CCDC138: variants seen among roughly 807,000 people sequenced by gnomAD.
CCDC138 encodes coiled-coil domain-containing protein 138.
Under a neutral mutation model 82.3 loss-of-function variants are expected in CCDC138, and 66 were observed. The observed-to-expected ratio is 0.80, with a 90% confidence interval of 0.66 to 0.98. The LOEUF (loss-of-function observed/expected upper bound fraction) is 0.98. Ranked by LOEUF, CCDC138 falls within the 50% of genes least tolerant of loss-of-function variation. The probability of loss-of-function intolerance (pLI) is 0.00; values close to 1 mark genes in which losing one functional copy is unlikely to be tolerated. For missense variants in CCDC138, 816 were observed against 758.9 expected, an observed-to-expected ratio of 1.08 and a Z score of -0.88; for synonymous variants, 297 against 265.4, an observed-to-expected ratio of 1.12 and a Z score of -1.16.
At chr2:108,809,038 G>T (rs1168916230) in intron 7 of CCDC138, among the ~76,000 whole-genome samples, 1 of 152,100 alleles carries the variant, frequency 6.6e-6, no homozygotes, top group Admixed American at 6.6e-5. Flanking sequence ...TAGGCATATG[G>T]ATATCCATTT....
At chr2:108,868,398 T>C (rs897271855) in intron 13 of CCDC138, among the ~76,000 whole-genome samples, 4 of 152,214 alleles carry the variant, frequency 2.6e-5, no homozygotes, top group African/African-American at 7.2e-5. Context: ...TAACTATAAA[T>C]TTATGTAAAA....
At chr2:108,863,295 A>G (rs77984489) in intron 13 of CCDC138, among the ~76,000 whole-genome samples, 9,396 of 152,312 alleles carry the variant, frequency 0.062, 356 homozygotes, top group South Asian at 0.15. Context: ...CATACATATC[A>G]TCTGTTTTCT....
In CCDC138 at chr2:108,804,949, A is replaced by G. The variant is rs1216067951; in HGVS notation, c.796A>G (p.Lys266Glu). The G allele has an allele frequency of 1.3e-6, 2 of 1,579,858 alleles. No individual in the cohort carries two copies. The highest frequency in any genetic ancestry group is 1.7e-6 in the Non-Finnish European group (2 of 1,167,736). The change falls in exon 7 of 15, where the codon AAG becomes GAG. Residue 266 changes from lysine to glutamate, a missense_variant. By Grantham distance (56) the Lys-to-Glu change is moderately conservative. Coordinates refer to ENST00000295124, the MANE Select transcript of CCDC138 (RefSeq NM_144978.3). ...TCTTAAGGAAAAGAATAAAGAAACC[A>G]AGAGACTGAGGTCCTCTTTTGATGC... ...EVLKEKNKET[K>E]RLRSSFDALK...
intron 13 of CCDC138, among the ~76,000 whole-genome samples, chr2:108,867,544 T>A (rs1694609213): frequency 6.6e-6 from 1 of 152,146 alleles, no homozygotes; most frequent in Non-Finnish European, 1.5e-5. Context: ...CCCCAAGCCT[T>A]TGGCAAGTTC....
At chr2:108,853,045 C>T (rs891951840) in intron 12 of CCDC138, among the ~76,000 whole-genome samples, 8 of 152,016 alleles carry the variant, frequency 5.3e-5, no homozygotes, top group Middle Eastern at 3.5e-3. Context: ...CATAACCTTT[C>T]GTGAGATCTA....
At position 108,811,245 on chromosome 2, in the gene CCDC138, C is replaced by CTTTTTTTTTTT. The variant is rs144518921; in HGVS notation, c.856-1385_856-1384insTTTTTTTTTTT. Among the ~76,000 whole-genome samples the CTTTTTTTTTTT allele has an allele frequency of 2.0e-3, 215 of 109,588 alleles. 13 individuals are homozygous for CTTTTTTTTTTT. Among genetic ancestry groups the CTTTTTTTTTTT allele is most frequent in the African/African-American group, 7.6e-3 (182 of 23,852 alleles). The allele number at this position is 109,588 out of a possible 152,430, so 71.9% of individuals were successfully genotyped here. A position where few individuals can be genotyped will look rare whatever the true frequency, so the allele number is the denominator to read the frequency against. On this transcript the variant is annotated intron_variant, in intron 7 of 14. Transcript: ENST00000295124. ...CTCTCCCTTTTCTTTCTTTCTCTCT[C>CTTTTTTTTTTT]TCTTTTTTTTTTTTTTTGACTGTCT...
At position 108,812,919 on chromosome 2, in the gene CCDC138, A is replaced by T. The variant is rs1305135406; in HGVS notation, c.1033A>T (p.Thr345Ser). 6.2e-7 allele frequency: 1 copy of T among 1,613,382 alleles called. No homozygotes were observed. The highest frequency in any genetic ancestry group is 8.5e-7 in the Non-Finnish European group (1 of 1,179,644). Residue 345 changes from threonine (T) to serine (S), a missense_variant, in exon 9 of 15, where the codon ACT becomes TCT. Transcript: ENST00000295124. Reference protein sequence around the residue: ...LKQEKAPVSKTYKVPLNGQVY... With the variant: ...LKQEKAPVSKSYKVPLNGQVY... ...ACAAGAAAAAGCACCAGTTTCAAAAACTTACAAGGTAAGTTTGAATTATGA... is the reference window on the plus strand; with the variant it reads ...ACAAGAAAAAGCACCAGTTTCAAAATCTTACAAGGTAAGTTTGAATTATGA...
chr2:108,847,761 T>C (rs1690735286), intron 12 of CCDC138, among the ~76,000 whole-genome samples: 1 of 152,240 alleles, frequency 6.6e-6, no homozygotes, highest in African/African-American at 2.4e-5. Flanking sequence ...ATGACAGTCA[T>C]TTAATTTGAC....
chr2:108,812,715 T>C lies in CCDC138; in HGVS notation c.933+7T>C, dbSNP rs1329446597. The C allele has an allele frequency of 6.2e-7, 1 of 1,606,078 alleles. No homozygotes were observed. Among genetic ancestry groups the C allele is most frequent in the Non-Finnish European group, 8.5e-7 (1 of 1,172,886 alleles). ...TCGTTTAGATAATTTACAGGTAAGT[T>C]GCCTGTTCTTCTCTACAGACAGAAG... On this transcript the variant is annotated splice_region_variant and intron_variant, in intron 8 of 14. Transcript: ENST00000295124.
At chr2:108,871,480 G>A (rs1043227804) in intron 13 of CCDC138, among the ~76,000 whole-genome samples, 1 of 151,968 alleles carries the variant, frequency 6.6e-6, no homozygotes, top group African/African-American at 2.4e-5. Context: ...TGAACCCAGA[G>A]GGAGGAGGCT....
intron 9 of CCDC138, among the ~76,000 whole-genome samples, chr2:108,815,280 T>C (rs1438054306): frequency 2.0e-5 from 3 of 152,028 alleles, no homozygotes; most frequent in South Asian, 4.1e-4. Flanking sequence ...TGATTCATGC[T>C]CTTAAGTTAA....
At chr2:108,824,229 T>G (rs1686195265) in intron 10 of CCDC138, among the ~76,000 whole-genome samples, 1 of 152,188 alleles carries the variant, frequency 6.6e-6, no homozygotes, top group Non-Finnish European at 1.5e-5. Context: ...TTTATAAACT[T>G]TTTAGTTTTT....
chr2:108,798,606 T>C lies in CCDC138; in HGVS notation c.735+20T>C. The C allele has an allele frequency of 1.3e-6, 2 of 1,531,952 alleles. No homozygotes were observed. Among genetic ancestry groups the C allele is most frequent in the Non-Finnish European group, 1.8e-6 (2 of 1,124,122 alleles). The allele number at this position is 1,531,952 out of a possible 1,614,324, so 94.9% of individuals were successfully genotyped here. On this transcript the variant is annotated intron_variant, in intron 6 of 14. Coordinates refer to ENST00000295124, the MANE Select transcript of CCDC138 (RefSeq NM_144978.3). ...AAAGAGGTAACTATATAGCCTTTGA[T>C]TTTAGAGTGGTATATTTCTTCTTTT... is the stretch of plus-strand genomic sequence containing the variant.
intron 5 of CCDC138, among the ~76,000 whole-genome samples, chr2:108,795,137 GT>G (rs1573931027): frequency 9.4e-6 from 1 of 106,076 alleles, no homozygotes. Context: ...CGGGTTTTTT[GT>G]TTCTAAAGTG....
At chr2:108,863,088 T>C (rs1348878785) in intron 13 of CCDC138, among the ~76,000 whole-genome samples, 2 of 152,228 alleles carry the variant, frequency 1.3e-5, no homozygotes, top group Non-Finnish European at 2.9e-5. Context: ...TAATTTGATA[T>C]CTTTCTATCT....
At chr2:108,824,852 G>A (rs1686297332) in intron 10 of CCDC138, among the ~76,000 whole-genome samples, 1 of 152,072 alleles carries the variant, frequency 6.6e-6, no homozygotes, top group African/African-American at 2.4e-5. Flanking sequence ...CTAAGTGATA[G>A]GAATTTTTAG....
At chr2:108,827,631 A>C (rs1686846956) in intron 10 of CCDC138, among the ~76,000 whole-genome samples, 1 of 152,086 alleles carries the variant, frequency 6.6e-6, no homozygotes, top group Non-Finnish European at 1.5e-5. Flanking sequence ...CCTGGCTAAC[A>C]CAGTGAAACC....
chr2:108,860,251 C>G (rs780938660), intron 13 of CCDC138, among the ~76,000 whole-genome samples: 3 of 152,040 alleles, frequency 2.0e-5, no homozygotes, highest in Non-Finnish European at 4.4e-5. Context: ...TTGGCAAGAT[C>G]TTTAGGGTTT....
At chr2:108,837,084 G>A (rs79824507) in intron 10 of CCDC138, among the ~76,000 whole-genome samples, 3,029 of 152,198 alleles carry the variant, frequency 0.02, 98 homozygotes, top group African/African-American at 0.07. Context: ...GTACTATAGT[G>A]AACAGAAGTG....
Sources: allele counts gnomAD v4.1 joint callset (sites outside exome capture counted in the v4.1 genomes callset), GRCh38; gene constraint gnomAD v4.1.1; transcripts MANE v1.5; gene names NCBI Gene and HGNC (gene_info 2026-07-23, HGNC 2026-07-21).